PLEKHA8: variants seen among roughly 807,000 people sequenced by gnomAD.
PLEKHA8 encodes pleckstrin homology domain containing A8.
In PLEKHA8, 36 loss-of-function variants were observed where a neutral mutation model predicts 68.2. The ratio of observed to expected loss-of-function variants is 0.53; its 90% CI spans 0.40 to 0.70. The LOEUF is 0.70. PLEKHA8 is among the 30% of genes least tolerant of loss of function. PLEKHA8 has a pLI of 0.00. For missense variants in PLEKHA8, 505 were observed against 615.4 expected (o/e 0.82, Z 1.90); for synonymous variants, 211 against 216.1 (o/e 0.98, Z 0.20).
At chr7:30,091,449 T>A (rs1369259301), downstream of PLEKHA8, among the ~76,000 whole-genome samples, 4 of 152,228 alleles carry the variant, frequency 2.6e-5, no homozygotes, top group Non-Finnish European at 5.9e-5. Context: ...ATCAAGGTTC[T>A]TTAAAATTTC....
At chr7:30,072,448 AAAGT>A (rs1794300426) in intron 12 of PLEKHA8, among the ~76,000 whole-genome samples, 1 of 152,272 alleles carries the variant, frequency 6.6e-6, no homozygotes, top group African/African-American at 2.4e-5. Flanking sequence ...ATTTTAAAAT[AAAGT>A]TGACTAGAAT....
At position 30,081,954 on chromosome 7, in the gene PLEKHA8, G is replaced by T; in HGVS notation, c.*3167G>T. On this transcript the variant is annotated 3_prime_UTR_variant, in exon 14 of 14. Coordinates refer to ENST00000449726, the MANE Select transcript of PLEKHA8 (RefSeq NM_001197026.2). ...GTCAGATTCCTTATAGCTAATGCTG[G>T]TGAAAAATGTTAAATTGGAGAGATC... 1 of 950,956 alleles carries T rather than the reference G, an allele frequency of 1.1e-6. No homozygotes were observed. The highest frequency in any genetic ancestry group is 1.3e-6 in the Non-Finnish European group (1 of 798,694). The allele number at this position is 950,956 out of a possible 1,614,324, so 58.9% of individuals were successfully genotyped here.
chr7:30,033,692 A>G (rs189697133), intron 1 of PLEKHA8, among the ~76,000 whole-genome samples: 237 of 152,296 alleles, frequency 1.6e-3, no homozygotes, highest in African/African-American at 5.4e-3. Flanking sequence ...CTGGAGTCCT[A>G]TGATAACTCT....
In PLEKHA8 at chr7:30,049,271, T is replaced by C; in HGVS notation, c.486T>C (p.Phe162=). The change falls in exon 5 of 14, where the codon TTT becomes TTC. Residue 162 remains phenylalanine, a synonymous_variant. Transcript: ENST00000449726. ...TGCTGAAATCAACCTGTAATACTTT[T>C]CTGAAGACCTTGGAAGAATGCATGC... is the stretch of plus-strand genomic sequence containing the variant. ...GTLLKSTCNT[F]LKTLEECMQI... is the part of the protein sequence containing the mutation. 1.2e-6 allele frequency: 2 copies of C among 1,614,052 alleles called. No individual in the cohort carries two copies. The highest frequency in any genetic ancestry group is 1.1e-5 in the South Asian group (1 of 91,080).
downstream of PLEKHA8, chr7:30,130,404 T>C (rs1292701925): frequency 6.6e-6 from 1 of 152,200 alleles, no homozygotes; most frequent in Non-Finnish European, 1.5e-5. Context: ...CTGTTCCAGC[T>C]GAAAATACGG....
chr7:30,110,927 C>T (rs760464073), intron 13 of PLEKHA8, among the ~76,000 whole-genome samples: 8 of 147,016 alleles, frequency 5.4e-5, no homozygotes, highest in East Asian at 2.0e-4. Flanking sequence ...TTTTTTTTCA[C>T]GGAGTCTCAC....
intron 13 of PLEKHA8, among the ~76,000 whole-genome samples, chr7:30,108,296 T>C (rs1462512274): frequency 6.6e-6 from 1 of 152,074 alleles, no homozygotes; most frequent in African/African-American, 2.4e-5. Context: ...AGAAATGAGA[T>C]TGGGCTTTAA....
chr7:30,054,721 TAAGG>T lies in PLEKHA8; in HGVS notation c.817_820del (p.Glu273MetfsTer6). The T allele has an allele frequency of 6.3e-7, 1 of 1,585,838 alleles. No homozygotes were observed. Among genetic ancestry groups the T allele is most frequent in the Non-Finnish European group, 8.6e-7 (1 of 1,162,636 alleles). On this transcript the variant is annotated frameshift_variant, in exon 8 of 14. Coordinates refer to ENST00000449726, the MANE Select transcript of PLEKHA8 (RefSeq NM_001197026.2). LOFTEE classifies it high-confidence loss of function. ...TTCTACTTTGCAGTCCAAGGTGAAA[TAAGG>T]AAGGAAGATGGAATGGAAAACCTGA...
downstream of PLEKHA8, chr7:30,130,154 C>T (rs948674013): frequency 4.6e-5 from 7 of 152,236 alleles, no homozygotes; most frequent in Non-Finnish European, 8.8e-5. Flanking sequence ...GGACCTCTCT[C>T]TAGAGGATGA....
rs1395821710 is a variant in PLEKHA8 at position 30,079,393 on chromosome 7, T to G, written c.*606T>G. On this transcript the variant is annotated 3_prime_UTR_variant, in exon 14 of 14. Transcript: ENST00000449726. The stretch of plus-strand genomic sequence containing the variant: ...ACGTGGACAGGAGTCCCATCCTTGC[T>G]GACAGGCATGAAACCGTTGCTCTGA... The G allele has an allele frequency of 1.0e-6, 1 of 985,818 alleles. No individual in the cohort carries two copies. The highest frequency in any genetic ancestry group is 1.2e-6 in the Non-Finnish European group (1 of 830,358). The allele number at this position is 985,818 out of a possible 1,614,324, so 61.1% of individuals were successfully genotyped here.
chr7:30,084,949 C>CTT (rs5883231), downstream of PLEKHA8, among the ~76,000 whole-genome samples: 3 of 141,624 alleles, frequency 2.1e-5, no homozygotes, highest in East Asian at 2.0e-4. Flanking sequence ...TTTTTCTTTT[C>CTT]TTTTTTTTTT....
chr7:30,108,838 C>T (rs1206135780), intron 13 of PLEKHA8, among the ~76,000 whole-genome samples: 1 of 152,194 alleles, frequency 6.6e-6, no homozygotes, highest in Non-Finnish European at 1.5e-5. Flanking sequence ...TGGCTTTCCA[C>T]AGCACCCCAG....
chr7:30,086,154 AT>A (rs1315497527), downstream of PLEKHA8, among the ~76,000 whole-genome samples: 1 of 152,172 alleles, frequency 6.6e-6, no homozygotes, highest in East Asian at 1.9e-4. Context: ...CAAAACCCAA[AT>A]GAGATATGTT....
chr7:30,089,057 C>T (rs1159209878), downstream of PLEKHA8, among the ~76,000 whole-genome samples: 1 of 152,068 alleles, frequency 6.6e-6, no homozygotes, highest in Non-Finnish European at 1.5e-5. Context: ...AGATATGTCT[C>T]CTCTCCATTC....
intron 13 of PLEKHA8, among the ~76,000 whole-genome samples, chr7:30,111,314 A>G (rs1796267626): frequency 6.6e-6 from 1 of 152,162 alleles, no homozygotes; most frequent in Non-Finnish European, 1.5e-5. Context: ...AAATCAATTG[A>G]CTATTAATAT....
In PLEKHA8 at chr7:30,084,005, T is replaced by C. The variant is rs1170788807; in HGVS notation, c.*5218T>C. On this transcript the variant is annotated 3_prime_UTR_variant, in exon 14 of 14. Coordinates refer to ENST00000449726, the MANE Select transcript of PLEKHA8 (RefSeq NM_001197026.2). Reference sequence around the variant, plus strand: ...GGCTATGAGCCAGTTCCATGGCATGTTTAATGTATAATTCCCATGTATCAT... The same window carrying C: ...GGCTATGAGCCAGTTCCATGGCATGCTTAATGTATAATTCCCATGTATCAT... 13 of 985,330 alleles carry C rather than the reference T, an allele frequency of 1.3e-5. No homozygotes were observed. The highest frequency in any genetic ancestry group is 1.4e-5 in the Non-Finnish European group (12 of 829,940). 61.0% of individuals were successfully genotyped at this position (985,330 alleles called of 1,614,324 possible).
At chr7:30,110,725 C>G (rs1475256614) in intron 13 of PLEKHA8, among the ~76,000 whole-genome samples, 1 of 152,134 alleles carries the variant, frequency 6.6e-6, no homozygotes, top group Non-Finnish European at 1.5e-5. Flanking sequence ...TTTAATATAG[C>G]CATCCTAGTG....
At chr7:30,118,266 T>A in intron 13 of PLEKHA8, 1 of 384,978 alleles carries the variant, frequency 2.6e-6, no homozygotes, top group Non-Finnish European at 4.6e-6. Flanking sequence ...TATTTGATTG[T>A]TTTTCTGCCA....
chr7:30,043,933 G>T (rs938956971), intron 1 of PLEKHA8, among the ~76,000 whole-genome samples: 1 of 151,976 alleles, frequency 6.6e-6, no homozygotes, highest in African/African-American at 2.4e-5. Flanking sequence ...TGAGAGAAAT[G>T]TATCCCTAAA....
Sources: allele counts gnomAD v4.1 joint callset (sites outside exome capture counted in the v4.1 genomes callset), GRCh38; gene constraint gnomAD v4.1.1; transcripts MANE v1.5; gene names NCBI Gene and HGNC (gene_info 2026-07-23, HGNC 2026-07-21).